Variants in ANGPT1 observed in about 807,000 individuals in gnomAD.
ANGPT1 encodes the protein angiopoietin 1.
ANGPT1 carries 17 observed loss-of-function variants against 62.2 expected under a neutral mutation model. The observed-to-expected ratio is 0.27, with a 90% CI of 0.19 to 0.41. ANGPT1 has a LOEUF of 0.41. ANGPT1 is among the 10% of genes least tolerant of loss of function. The pLI is 1.00. For missense variants in ANGPT1, 478 were observed against 594.9 expected (o/e 0.80, Z 2.04); for synonymous variants, 199 against 198.9 (o/e 1.00, Z 0.00).
chr8:107,409,318 A>G (rs562368588), intron 1 of ANGPT1, among the ~76,000 whole-genome samples: 1 of 152,280 alleles, frequency 6.6e-6, no homozygotes, highest in African/African-American at 2.4e-5. Context: ...CAGAGTTCTT[A>G]GCATTTTTCA....
chr8:107,311,986 C>T (rs191326544), intron 4 of ANGPT1, among the ~76,000 whole-genome samples: 5 of 151,310 alleles, frequency 3.3e-5, no homozygotes, highest in Non-Finnish European at 5.9e-5. Flanking sequence ...ATGGAGTGAA[C>T]CTGGGAGGCG....
At chr8:107,369,384 T>A (rs1816336102) in intron 1 of ANGPT1, among the ~76,000 whole-genome samples, 1 of 152,178 alleles carries the variant, frequency 6.6e-6, no homozygotes, top group Admixed American at 6.5e-5. Context: ...TGATAGTCTA[T>A]CCAAACTACT....
chr8:107,358,374 C>T (rs898899726), intron 1 of ANGPT1, among the ~76,000 whole-genome samples: 4 of 103,298 alleles, frequency 3.9e-5, no homozygotes, highest in Non-Finnish European at 7.5e-5. Flanking sequence ...AATAAAATCC[C>T]TATTTTTTTT....
At chr8:107,372,305 T>A (rs1441974426) in intron 1 of ANGPT1, among the ~76,000 whole-genome samples, 1 of 152,130 alleles carries the variant, frequency 6.6e-6, no homozygotes, top group African/African-American at 2.4e-5. Flanking sequence ...TGAGAACTAC[T>A]GATATAAATA....
chr8:107,307,579 G>A (rs562761301), intron 4 of ANGPT1, among the ~76,000 whole-genome samples: 30 of 151,678 alleles, frequency 2.0e-4, no homozygotes, highest in Non-Finnish European at 3.4e-4. Flanking sequence ...CTTTCCCCTC[G>A]CGTTTTTTGT....
chr8:107,454,280 T>C (rs1321074419), intron 1 of ANGPT1, among the ~76,000 whole-genome samples: 1 of 152,072 alleles, frequency 6.6e-6, no homozygotes, highest in Non-Finnish European at 1.5e-5. Context: ...GAGGGAGTTG[T>C]GTAGGGAGGG....
At chr8:107,331,794 A>C (rs1481310683) in intron 3 of ANGPT1, among the ~76,000 whole-genome samples, 1 of 152,162 alleles carries the variant, frequency 6.6e-6, no homozygotes, top group Non-Finnish European at 1.5e-5. Context: ...GTCTCGTTTC[A>C]GTTCACTCTG....
intron 4 of ANGPT1, among the ~76,000 whole-genome samples, chr8:107,311,986 C>A (rs191326544): frequency 0.017 from 2,523 of 151,416 alleles, 90 homozygotes; most frequent in African/African-American, 0.057. Flanking sequence ...ATGGAGTGAA[C>A]CTGGGAGGCG....
chr8:107,307,397 TACG>T (rs1224305768), intron 4 of ANGPT1, among the ~76,000 whole-genome samples: 1 of 152,142 alleles, frequency 6.6e-6, no homozygotes, highest in East Asian at 1.9e-4. Context: ...ATAAACTTCC[TACG>T]ACATTTCCTG....
intron 1 of ANGPT1, among the ~76,000 whole-genome samples, chr8:107,467,954 C>T (rs1812248538): frequency 6.6e-6 from 1 of 152,060 alleles, no homozygotes; most frequent in African/African-American, 2.4e-5. Context: ...GATGAGAAAT[C>T]TGATGCTCGG....
In ANGPT1 at chr8:107,259,473, C is replaced by T. The variant is rs115227376; in HGVS notation, c.1336+4748G>A. On this transcript the variant is annotated intron_variant, in intron 8 of 8. Coordinates refer to ENST00000517746, the MANE Select transcript of ANGPT1 (RefSeq NM_001146.5). ...TTTAAGGACTGAACTGAAAAATATCCTTCGTTAGCTTTAGAAAGTCTTGTC... is the reference window on the plus strand; with the variant it reads ...TTTAAGGACTGAACTGAAAAATATCTTTCGTTAGCTTTAGAAAGTCTTGTC... Among the ~76,000 whole-genome samples the T allele has an allele frequency of 6.8e-3, 1,039 of 152,180 alleles. 9 individuals carry two copies. The highest frequency in any genetic ancestry group is 0.023 in the African/African-American group (955 of 41,552).
intron 1 of ANGPT1, among the ~76,000 whole-genome samples, chr8:107,367,524 T>A (rs1396014099): frequency 6.6e-6 from 1 of 152,106 alleles, no homozygotes; most frequent in Non-Finnish European, 1.5e-5. Context: ...TTCCTTTCAC[T>A]AAAGATTTAT....
intron 1 of ANGPT1, among the ~76,000 whole-genome samples, chr8:107,431,364 A>AGAGGAG (rs5893863): frequency 0.14 from 21,931 of 151,966 alleles, 2,258 homozygotes; most frequent in African/African-American, 0.3. Context: ...GTCACAGAGC[A>AGAGGAG]GAGGAGGAAT....
chr8:107,380,606 T>A (rs1816618321), intron 1 of ANGPT1, among the ~76,000 whole-genome samples: 1 of 152,158 alleles, frequency 6.6e-6, no homozygotes, highest in African/African-American at 2.4e-5. Flanking sequence ...CTATGAACTG[T>A]AGTTTTCTTT....
In ANGPT1 at chr8:107,448,652, G is replaced by T. The variant is rs1339586450; in HGVS notation, c.297+48610C>A. 3.3e-5 allele frequency among the ~76,000 whole-genome samples: 5 copies of T among 151,878 alleles called. No homozygotes were observed. The East Asian group carries it at 9.7e-4, about 30-fold the overall frequency. On this transcript the variant is annotated intron_variant, in intron 1 of 8. Coordinates refer to ENST00000517746, the MANE Select transcript of ANGPT1 (RefSeq NM_001146.5). ...GAAAGCAAGTGACCTTTGTCATTTG[G>T]GTAAATTATTTTAGGTATGGCTAGG...
At chr8:107,311,399 T>G (rs1040957857) in intron 4 of ANGPT1, among the ~76,000 whole-genome samples, 9 of 152,216 alleles carry the variant, frequency 5.9e-5, no homozygotes, top group African/African-American at 2.2e-4. Context: ...GGATAAAAAA[T>G]GCAGGTAATT....
chr8:107,303,325 C>T lies in ANGPT1; in HGVS notation c.851G>A (p.Arg284Lys), dbSNP rs758584965. The T allele has an allele frequency of 6.3e-7, 1 of 1,599,828 alleles. No homozygotes were observed. Among genetic ancestry groups the T allele is most frequent in the Non-Finnish European group, 8.5e-7 (1 of 1,171,254 alleles). ...AGCTTGATATACATCTGCACAGTCT[C>T]TAAATGGTTTCTCTTCCTCTCTTTT... ...GGKREEEKPFRDCADVYQAGF... is the reference protein window; with the variant it reads ...GGKREEEKPFKDCADVYQAGF... Residue 284 changes from arginine to lysine, a missense_variant, in exon 5 of 9, where the codon AGA becomes AAA. Physicochemically the swap from Arg to Lys is conservative, Grantham distance 26. Transcript: ENST00000517746.
chr8:107,251,421 G>T lies in ANGPT1; in HGVS notation c.*434C>A, dbSNP rs1813245428. 1 of 162,564 alleles carries T rather than the reference G, an allele frequency of 6.2e-6. No homozygotes were observed. 10.1% of individuals were successfully genotyped at this position (162,564 alleles called of 1,614,324 possible). A position where few individuals can be genotyped will look rare whatever the true frequency, so the allele number is the denominator to read the frequency against. On this transcript the variant is annotated 3_prime_UTR_variant, in exon 9 of 9. Coordinates refer to ENST00000517746, the MANE Select transcript of ANGPT1 (RefSeq NM_001146.5). ...TGCATAGATATAACACCTTTTCACT[G>T]GTATAATACATCTTTTCCAAAGGAT...
Position 107,284,743 on chromosome 8 carries a change from C to G in ANGPT1, c.1144G>C (p.Gly382Arg), listed in dbSNP as rs1284531320. ...TCATACTGTGAATAGGCTCGGTTCCCTTCCCAGTCCATTAACTCAATTCTT... is the reference window on the plus strand; with the variant it reads ...TCATACTGTGAATAGGCTCGGTTCCGTTCCCAGTCCATTAACTCAATTCTT... The part of the protein sequence containing the change: ...MLRIELMDWE[G>R]NRAYSQYDRF... The change falls in exon 7 of 9, where the codon GGG (glycine) becomes CGG (arginine). Residue 382 changes from glycine to arginine, a missense_variant. Physicochemically the swap from Gly to Arg is moderately radical, Grantham distance 125. This residue lies in a region of ANGPT1 where 81 missense variants were observed against 117.1 expected (regional missense o/e 0.69). Transcript: ENST00000517746. The G allele has an allele frequency of 6.2e-7, 1 of 1,611,112 alleles. No individual in the cohort carries two copies. Among genetic ancestry groups the G allele is most frequent in the South Asian group, 1.1e-5 (1 of 90,672 alleles).
Sources: allele counts gnomAD v4.1 joint callset (sites outside exome capture counted in the v4.1 genomes callset), GRCh38; gene constraint gnomAD v4.1.1; regional missense constraint gnomAD v4.1.1; transcripts MANE v1.5; gene names NCBI Gene and HGNC (gene_info 2026-07-23, HGNC 2026-07-21).